NPL: variants seen among roughly 807,000 people sequenced by gnomAD.
The protein encoded by NPL is N-acetylneuraminate pyruvate lyase.
A neutral mutation model predicts 41.1 loss-of-function variants in NPL; 32 were observed. That is an observed-to-expected ratio of 0.78 (90% CI 0.59 to 1.05). NPL has a LOEUF of 1.05. NPL is among the 50% of genes least tolerant of loss of function. The probability of loss-of-function intolerance (pLI) is 0.00; values close to 1 mark genes in which losing one functional copy is unlikely to be tolerated. For synonymous variants in NPL, 128 were observed against 134.9 expected, an observed-to-expected ratio of 0.95 and a Z score of 0.35; for missense variants, 321 against 378.4, an observed-to-expected ratio of 0.85 and a Z score of 1.26.
chr1:182,827,574 C>CT (rs1667662249), intron 12 of NPL, among the ~76,000 whole-genome samples: 1 of 152,048 alleles, frequency 6.6e-6, no homozygotes, highest in South Asian at 2.1e-4. Flanking sequence ...ATCACTAATT[C>CT]TTTCTTTAGC....
Position 182,828,863 on chromosome 1 carries a change from T to C in NPL, c.918T>C (p.Leu306=). 1 of 1,614,220 alleles carries C rather than the reference T, an allele frequency of 6.2e-7. No individual in the cohort carries two copies. ...AEAKLKSLDF[L]SFTDLKDGNL... is the part of the protein sequence containing the mutation. ...CTAAACTGAAGAGCCTGGATTTCCT[T>C]TCTTTCACTGATTTAAAGGATGGAA... The change falls in exon 13 of 13, where the codon CTT becomes CTC. Residue 306 remains leucine, a synonymous_variant. Coordinates refer to ENST00000367553, the MANE Select transcript of NPL (RefSeq NM_030769.3). This position sits in a 1 kb window ranked among gnomAD's most constrained non-coding sequence, Gnocchi z 4.0.
chr1:182,822,152 T>C lies in NPL; in HGVS notation c.691T>C (p.Leu231=). The part of the protein sequence containing the change: ...NYLGKKTNQM[L]EAFEQKDFSL... ...CCTGGGAAAAAAGACAAACCAGATG[T>C]TGGAGGCTTTTGAACAAAAGGACTT... Residue 231 remains leucine, a synonymous_variant, in exon 11 of 13, where the codon TTG becomes CTG. Coordinates refer to ENST00000367553, the MANE Select transcript of NPL (RefSeq NM_030769.3). 1 of 1,613,806 alleles carries C rather than the reference T, an allele frequency of 6.2e-7. No homozygotes were observed. Among genetic ancestry groups the C allele is most frequent in the African/African-American group, 1.3e-5 (1 of 75,058 alleles).
At chr1:182,810,147 G>T (rs1400219251) in intron 5 of NPL, among the ~76,000 whole-genome samples, 1 of 152,130 alleles carries the variant, frequency 6.6e-6, no homozygotes, top group Non-Finnish European at 1.5e-5. Context: ...TCTCATGAGG[G>T]CATGTGTTAT....
At chr1:182,794,990 C>T (rs746620595) in intron 3 of NPL, among the ~76,000 whole-genome samples, 12 of 152,118 alleles carry the variant, frequency 7.9e-5, no homozygotes, top group Admixed American at 2.0e-4. Flanking sequence ...TGTTGGGCAG[C>T]GGGGGAAGGG....
At position 182,814,854 on chromosome 1, in the gene NPL, CAA is replaced by C. The variant is rs1667277654; in HGVS notation, c.362_363del (p.Lys121ArgfsTer5). The C allele has an allele frequency of 6.2e-7, 1 of 1,613,168 alleles. No homozygotes were observed. The highest frequency in any genetic ancestry group is 8.5e-7 in the Non-Finnish European group (1 of 1,179,312). On this transcript the variant is annotated frameshift_variant and splice_region_variant, in exon 7 of 13. Transcript: ENST00000367553. LOFTEE classifies it high-confidence loss of function. ...CACCGTTCTTCCTCAAGCCATGGAC[CAA>C]AGGTAAGTAGATAGGTCTGAATGCA... ...IAPFFLKPWT[K>X]DILINFLKEV...
At chr1:182,791,863 G>T (rs1346760772) in intron 1 of NPL, among the ~76,000 whole-genome samples, 2 of 152,128 alleles carry the variant, frequency 1.3e-5, no homozygotes, top group African/African-American at 4.8e-5. Context: ...GAACCTTCTT[G>T]GGCCCTGTGG....
intron 4 of NPL, among the ~76,000 whole-genome samples, chr1:182,804,281 C>A (rs976365912): frequency 6.6e-6 from 1 of 152,178 alleles, no homozygotes; most frequent in African/African-American, 2.4e-5. Flanking sequence ...GCGCACACCA[C>A]CACACCTGGC....
chr1:182,803,324 G>A (rs1666907243), intron 3 of NPL, among the ~76,000 whole-genome samples: 1 of 152,214 alleles, frequency 6.6e-6, no homozygotes, highest in African/African-American at 2.4e-5. Flanking sequence ...AACCATGTCT[G>A]CAACCATCAA....
Position 182,806,532 on chromosome 1 carries a change from G to T in NPL, c.230+300G>T. On this transcript the variant is annotated intron_variant, in intron 5 of 12. Transcript: ENST00000367553. ...CAGTTACCCGTCTTTGGGCTGAAAGGTAAGAGGGGAGGGTGGTGACGGACT... is the reference window on the plus strand; with the variant it reads ...CAGTTACCCGTCTTTGGGCTGAAAGTTAAGAGGGGAGGGTGGTGACGGACT... 1 of 1,536,194 alleles carries T rather than the reference G, an allele frequency of 6.5e-7. No individual in the cohort carries two copies. Among genetic ancestry groups the T allele is most frequent in the Non-Finnish European group, 8.7e-7 (1 of 1,146,904 alleles).
chr1:182,796,207 C>G (rs1036134162), intron 3 of NPL, among the ~76,000 whole-genome samples: 1 of 145,864 alleles, frequency 6.9e-6, no homozygotes. Flanking sequence ...TGTGTAGGCT[C>G]TTTAAGAAAT....
At chr1:182,807,823 G>A (rs1347099681) in intron 5 of NPL, among the ~76,000 whole-genome samples, 4 of 150,400 alleles carry the variant, frequency 2.7e-5, no homozygotes, top group Non-Finnish European at 5.9e-5. Context: ...CCTGGGAGGT[G>A]GAGCTTGCAA....
chr1:182,811,641 T>C (rs186601017), intron 5 of NPL, among the ~76,000 whole-genome samples: 1 of 152,324 alleles, frequency 6.6e-6, no homozygotes, highest in Admixed American at 6.5e-5. Context: ...GGGCTCGGAC[T>C]AAATTATCTT....
chr1:182,822,418 G>A (rs532060759), intron 11 of NPL, among the ~76,000 whole-genome samples: 2 of 152,310 alleles, frequency 1.3e-5, no homozygotes, highest in Non-Finnish European at 2.9e-5. Flanking sequence ...ATACAGGGAT[G>A]GCTCCTCTCT....
Position 182,825,765 on chromosome 1 carries a change from T to C in NPL, c.739-16T>C, listed in dbSNP as rs1667614537. Reference sequence around the variant, plus strand: ...AGTTCAATAATACTAACTATAGATATGTTGTTCTTTTCTAGTTTTGTATCC... The same window carrying C: ...AGTTCAATAATACTAACTATAGATACGTTGTTCTTTTCTAGTTTTGTATCC... On this transcript the variant is annotated splice_polypyrimidine_tract_variant and intron_variant, in intron 11 of 12. Coordinates refer to ENST00000367553, the MANE Select transcript of NPL (RefSeq NM_030769.3). The C allele has an allele frequency of 2.8e-6, 4 of 1,417,942 alleles. No individual in the cohort carries two copies. The highest frequency in any genetic ancestry group is 2.3e-5 in the South Asian group (2 of 85,820). The allele number at this position is 1,417,942 out of a possible 1,614,324, so 87.8% of individuals were successfully genotyped here.
rs146483290 is a variant in NPL, at chr1:182,795,464, G to C, written c.68+1025G>C. ...ACCTTTTACAAGGGACTTTCTTTTTGGTCTTCTGTTGCTGAATTTATAAAC... is the reference window on the plus strand; with the variant it reads ...ACCTTTTACAAGGGACTTTCTTTTTCGTCTTCTGTTGCTGAATTTATAAAC... On this transcript the variant is annotated intron_variant, in intron 3 of 12. Coordinates refer to ENST00000367553, the MANE Select transcript of NPL (RefSeq NM_030769.3). 8.5e-5 allele frequency among the ~76,000 whole-genome samples: 13 copies of C among 152,154 alleles called. 1 individual carries two copies. The East Asian group carries it at 2.5e-3, about 29-fold the overall frequency.
rs939937546 is a variant in NPL, at chr1:182,822,117, C to T, written c.656C>T (p.Thr219Ile). The change falls in exon 11 of 13, where the codon ACC (threonine) becomes ATC (isoleucine). Residue 219 changes from threonine to isoleucine, a missense_variant and splice_region_variant. By Grantham distance (89) the Thr-to-Ile change is moderately conservative. Transcript: ENST00000367553. Reference protein sequence around the residue: ...VMGATGAVGSTYNYLGKKTNQ... With the variant: ...VMGATGAVGSIYNYLGKKTNQ... ...AGTATTTGTTATTGTCTTGCCAGTA[C>T]CTATAACTACCTGGGAAAAAAGACA... The T allele has an allele frequency of 1.9e-6, 3 of 1,604,984 alleles. No individual in the cohort carries two copies. Among genetic ancestry groups the T allele is most frequent in the Middle Eastern group, 1.7e-4 (1 of 6,052 alleles).
intron 3 of NPL, among the ~76,000 whole-genome samples, chr1:182,799,293 GA>G (rs1236300174): frequency 1.3e-5 from 2 of 152,052 alleles, no homozygotes; most frequent in African/African-American, 4.8e-5. Context: ...CAGACAATTA[GA>G]AAAAGGAATT....
At chr1:182,799,732 C>CAAAA (rs556336661) in intron 3 of NPL, among the ~76,000 whole-genome samples, 5 of 61,188 alleles carry the variant, frequency 8.2e-5, no homozygotes, top group African/African-American at 1.0e-4. Context: ...ACCCTGTCTC[C>CAAAA]AAAAAAAAAA....
At position 182,816,103 on chromosome 1, in the gene NPL, T is replaced by G. The variant is rs1464604675; in HGVS notation, c.365-611T>G. ...AGCAGGAGGAGTGCTGCTGGACCTA[T>G]CATCTGCAGTAGTGTTGCAGGCGAA... On this transcript the variant is annotated intron_variant, in intron 7 of 12. Coordinates refer to ENST00000367553, the MANE Select transcript of NPL (RefSeq NM_030769.3). 2.0e-5 allele frequency among the ~76,000 whole-genome samples: 3 copies of G among 152,230 alleles called. No individual in the cohort carries two copies. The East Asian group carries it at 5.8e-4, about 29-fold the overall frequency.
Sources: allele counts gnomAD v4.1 joint callset (sites outside exome capture counted in the v4.1 genomes callset), GRCh38; gene constraint gnomAD v4.1.1; non-coding constraint Gnocchi (gnomAD v3.1); transcripts MANE v1.5; gene names NCBI Gene and HGNC (gene_info 2026-07-23, HGNC 2026-07-21).